The following DLGAP1 variants were observed in gnomAD, a reference collection of about 807,000 sequenced individuals.
DLGAP1 encodes DLG associated protein 1.
In DLGAP1, 11 loss-of-function variants were observed where a neutral mutation model predicts 90.8. The observed-to-expected ratio is 0.12, with a 90% CI of 0.08 to 0.20. The LOEUF (loss-of-function observed/expected upper bound fraction) is 0.20. DLGAP1 is among the 10% of genes least tolerant of loss of function. DLGAP1 has a pLI of 1.00. For missense variants in DLGAP1, 1,050 were observed against 1,333.8 expected (o/e 0.79, Z 3.31); for synonymous variants, 558 against 540.7 (o/e 1.03, Z -0.44).
chr18:4,422,801 T>C (rs2083069916), intron 1 of DLGAP1, among the ~76,000 whole-genome samples: 1 of 152,108 alleles, frequency 6.6e-6, no homozygotes, highest in Admixed American at 6.6e-5. Flanking sequence ...ACTTTCATTA[T>C]ATTTAAGAAA....
intron 2 of DLGAP1, among the ~76,000 whole-genome samples, chr18:4,016,423 C>T (rs1056514958): frequency 6.6e-6 from 1 of 152,144 alleles, no homozygotes; most frequent in African/African-American, 2.4e-5. Context: ...AGAGAAGTGG[C>T]TGGATGGGTA....
rs753410793 is a variant in DLGAP1, at chr18:3,879,127, G to A, written c.942C>T (p.Ser314=). The change falls in exon 4 of 13, where the codon TCC becomes TCT. Residue 314 remains serine (S), a synonymous_variant. Coordinates refer to ENST00000315677, the MANE Select transcript of DLGAP1 (RefSeq NM_004746.4). The surrounding 1 kb of genome is among the most constrained non-coding windows in gnomAD (Gnocchi z 6.6). ...VKSESCQQER[S]CQYLQVPQDE... is the part of the protein sequence containing the mutation. ...GAAATGGTACCTGCAGGTACTGGCA[G>A]GAGCGTTCTTGCTGACACGACTCGG... is the stretch of plus-strand genomic sequence containing the variant. 3.3e-6 allele frequency: 5 copies of A among 1,504,174 alleles called. No homozygotes were observed. Among genetic ancestry groups the A allele is most frequent in the Non-Finnish European group, 4.4e-6 (5 of 1,126,118 alleles). 93.2% of individuals were successfully genotyped at this position (1,504,174 alleles called of 1,614,324 possible).
intron 1 of DLGAP1, among the ~76,000 whole-genome samples, chr18:4,261,810 T>C (rs1230971664): frequency 6.6e-6 from 1 of 152,134 alleles, no homozygotes; most frequent in African/African-American, 2.4e-5. Context: ...CAAATGTATA[T>C]ACTAAGTGCC....
At chr18:3,789,656 G>C (rs1298345016) in intron 5 of DLGAP1, among the ~76,000 whole-genome samples, 1 of 152,172 alleles carries the variant, frequency 6.6e-6, no homozygotes, top group Non-Finnish European at 1.5e-5. Context: ...CATCACTTAA[G>C]TCAACAGGAA....
At chr18:4,177,093 C>T (rs1475423002) in intron 1 of DLGAP1, among the ~76,000 whole-genome samples, 3 of 152,090 alleles carry the variant, frequency 2.0e-5, no homozygotes, top group Admixed American at 1.3e-4. Flanking sequence ...GGGTCGAGCT[C>T]CTCTTTAACA....
At chr18:3,906,837 G>A (rs547839681) in intron 3 of DLGAP1, among the ~76,000 whole-genome samples, 2 of 152,120 alleles carry the variant, frequency 1.3e-5, no homozygotes, top group African/African-American at 2.4e-5. Context: ...TGTGGTTTAC[G>A]CAAGAAAGAG....
At chr18:3,811,874 C>T (rs918891592) in intron 5 of DLGAP1, among the ~76,000 whole-genome samples, 1 of 152,196 alleles carries the variant, frequency 6.6e-6, no homozygotes, top group Non-Finnish European at 1.5e-5. Context: ...TCAGCCCCTA[C>T]CCTCTAGCCC....
chr18:3,613,130 G>A (rs780815182), intron 7 of DLGAP1, among the ~76,000 whole-genome samples: 1 of 152,040 alleles, frequency 6.6e-6, no homozygotes, highest in Non-Finnish European at 1.5e-5. Flanking sequence ...GAGCCACCAC[G>A]CCTGGCCTTT....
At chr18:4,210,844 T>A (rs921814609) in intron 1 of DLGAP1, among the ~76,000 whole-genome samples, 5 of 152,278 alleles carry the variant, frequency 3.3e-5, no homozygotes, top group Admixed American at 3.3e-4. Context: ...GAACGTCTCA[T>A]CTAGTTTAAC....
rs886328648 is a variant in DLGAP1 at position 4,117,222 on chromosome 18, C to G, written c.-159+33958G>C. Among the ~76,000 whole-genome samples the G allele has an allele frequency of 3.9e-5, 6 of 152,226 alleles. No homozygotes were observed. In the South Asian group the frequency reaches 1.2e-3, roughly 32 times the overall value. ...CTGCTTACATCTTGATCTTAGACTT[C>G]TAGCATCCAGAATTTTGAGAAAATA... On this transcript the variant is annotated intron_variant, in intron 2 of 12. Coordinates refer to ENST00000315677, the MANE Select transcript of DLGAP1 (RefSeq NM_004746.4).
intron 7 of DLGAP1, chr18:3,708,426 C>T (rs1022013662): frequency 4.4e-6 from 2 of 456,496 alleles, no homozygotes; most frequent in Admixed American, 4.7e-5. Context: ...CCCATTTTGC[C>T]TGAGTGGTAT....
rs778272493 is a variant in DLGAP1, at chr18:3,497,625, T to G, written c.*1560A>C. 3.3e-5 allele frequency: 5 copies of G among 152,246 alleles called. No homozygotes were observed. The highest frequency in any genetic ancestry group is 7.3e-5 in the Non-Finnish European group (5 of 68,044). The allele number at this position is 152,246 out of a possible 1,614,324, so 9.4% of individuals were successfully genotyped here. On this transcript the variant is annotated 3_prime_UTR_variant, in exon 13 of 13. Transcript: ENST00000315677. ...TGTTTGATGTATGTTTTTAAAAGTCTTTCGTTTTTAATTTCTAATGCTTTA... is the reference window on the plus strand; with the variant it reads ...TGTTTGATGTATGTTTTTAAAAGTCGTTCGTTTTTAATTTCTAATGCTTTA...
At chr18:3,948,710 A>T (rs1363880559) in intron 3 of DLGAP1, among the ~76,000 whole-genome samples, 1 of 152,206 alleles carries the variant, frequency 6.6e-6, no homozygotes, top group Non-Finnish European at 1.5e-5. Flanking sequence ...GCTCTCAGTC[A>T]TAAGTGGAAG....
intron 7 of DLGAP1, among the ~76,000 whole-genome samples, chr18:3,662,353 T>G (rs2059714152): frequency 1.3e-5 from 2 of 152,184 alleles, no homozygotes; most frequent in African/African-American, 4.8e-5. Flanking sequence ...AAAAAGGCTT[T>G]TAAGAATCCT....
At chr18:3,511,848 A>G (rs1392130522) in intron 10 of DLGAP1, among the ~76,000 whole-genome samples, 1 of 152,208 alleles carries the variant, frequency 6.6e-6, no homozygotes, top group African/African-American at 2.4e-5. Context: ...CCATTGCAGT[A>G]GAGAATGACT....
chr18:3,976,016 A>C (rs993835109), intron 3 of DLGAP1, among the ~76,000 whole-genome samples: 1 of 152,126 alleles, frequency 6.6e-6, no homozygotes, highest in South Asian at 2.1e-4. Flanking sequence ...GTTGTACAAC[A>C]ATGTGAAATA....
intron 5 of DLGAP1, among the ~76,000 whole-genome samples, chr18:3,789,483 G>A (rs2065621399): frequency 6.6e-6 from 1 of 152,158 alleles, no homozygotes; most frequent in Non-Finnish European, 1.5e-5. Flanking sequence ...AATCTGCAAG[G>A]GTGGATGAGA....
chr18:4,092,787 C>T (rs1218474916), intron 2 of DLGAP1, among the ~76,000 whole-genome samples: 3 of 152,080 alleles, frequency 2.0e-5, no homozygotes, highest in Middle Eastern at 3.2e-3. Context: ...TGATCCTTCT[C>T]GTGGGCACCC....
chr18:4,232,414 G>A (rs117836928), intron 1 of DLGAP1, among the ~76,000 whole-genome samples: 2,504 of 152,208 alleles, frequency 0.016, 28 homozygotes, highest in Non-Finnish European at 0.024. Context: ...TAAATGGTTA[G>A]ACTTGTTTTC....
Sources: allele counts gnomAD v4.1 joint callset (sites outside exome capture counted in the v4.1 genomes callset), GRCh38; gene constraint gnomAD v4.1.1; non-coding constraint Gnocchi (gnomAD v3.1); transcripts MANE v1.5; gene names NCBI Gene and HGNC (gene_info 2026-07-23, HGNC 2026-07-21).